Variants in AGBL1 observed in about 807,000 individuals in gnomAD.
AGBL1 encodes the protein cytosolic carboxypeptidase 4.
AGBL1 carries 130 observed loss-of-function variants against 118.9 expected under a neutral mutation model. The observed-to-expected ratio is 1.09, with a 90% CI of 0.95 to 1.26. The LOEUF is 1.26. Ranked by LOEUF, AGBL1 falls within the 50% of genes most tolerant of loss-of-function variation. The pLI, the probability that AGBL1 is intolerant of heterozygous loss-of-function variation, is 0.00. For missense variants in AGBL1, 1,584 were observed against 1,298.1 expected (o/e 1.22, Z -3.38); for synonymous variants, 555 against 478.9 (o/e 1.16, Z -2.08).
At chr15:86,996,080 C>T (rs1193443528) in intron 24 of AGBL1, among the ~76,000 whole-genome samples, 1 of 152,152 alleles carries the variant, frequency 6.6e-6, no homozygotes. Flanking sequence ...ACCCCATAAC[C>T]ATCATGTGGG....
At chr15:86,677,697 C>T (rs2085873989) in intron 22 of AGBL1, among the ~76,000 whole-genome samples, 1 of 152,030 alleles carries the variant, frequency 6.6e-6, no homozygotes, top group African/African-American at 2.4e-5. Flanking sequence ...CCGTGTTCTC[C>T]GAAATTATAG....
chr15:86,614,024 G>A (rs1171883661), intron 21 of AGBL1, among the ~76,000 whole-genome samples: 1 of 152,154 alleles, frequency 6.6e-6, no homozygotes, highest in Non-Finnish European at 1.5e-5. Flanking sequence ...CCGCTGAGTT[G>A]TTGGTTTTAA....
chr15:86,590,080 G>A (rs1197350834), intron 21 of AGBL1, among the ~76,000 whole-genome samples: 1 of 152,180 alleles, frequency 6.6e-6, no homozygotes. Context: ...GAACCACAGA[G>A]TGATTGGCCT....
chr15:86,952,977 T>C (rs2080894930), intron 23 of AGBL1, among the ~76,000 whole-genome samples: 1 of 152,154 alleles, frequency 6.6e-6, no homozygotes, highest in Non-Finnish European at 1.5e-5. Context: ...AAGATCAGAT[T>C]GTTATAGGTG....
intron 21 of AGBL1, among the ~76,000 whole-genome samples, chr15:86,660,104 A>G (rs1404447943): frequency 1.3e-5 from 2 of 151,538 alleles, no homozygotes; most frequent in Admixed American, 1.3e-4. Context: ...GCAGAACCAT[A>G]GATGTTTAGA....
At chr15:86,258,718 T>C (rs1411097151) in intron 9 of AGBL1, among the ~76,000 whole-genome samples, 1 of 152,196 alleles carries the variant, frequency 6.6e-6, no homozygotes, top group African/African-American at 2.4e-5. Context: ...AAGAAATTTT[T>C]TTTTTTGAGA....
intron 18 of AGBL1, among the ~76,000 whole-genome samples, chr15:86,446,328 T>C (rs879415242): frequency 8.5e-5 from 13 of 152,206 alleles, no homozygotes; most frequent in Admixed American, 1.3e-4. Flanking sequence ...CTTTTCCCTC[T>C]CCAGACGCAC....
At chr15:86,648,110 C>T (rs193297878) in intron 21 of AGBL1, among the ~76,000 whole-genome samples, 1 of 152,262 alleles carries the variant, frequency 6.6e-6, no homozygotes, top group East Asian at 1.9e-4. Context: ...GGAATTTTCT[C>T]TGAGAGAAAT....
At chr15:86,423,138 G>T (rs1225438303) in intron 18 of AGBL1, among the ~76,000 whole-genome samples, 1 of 152,154 alleles carries the variant, frequency 6.6e-6, no homozygotes, top group African/African-American at 2.4e-5. Context: ...CAACAGAAAA[G>T]AAAAGTTCAG....
At chr15:86,466,243 A>G (rs763999322) in intron 18 of AGBL1, among the ~76,000 whole-genome samples, 3 of 151,892 alleles carry the variant, frequency 2.0e-5, no homozygotes, top group African/African-American at 7.3e-5. Flanking sequence ...CATTAAGTTG[A>G]TCTTCAGTCT....
chr15:86,300,242 A>G (rs191630922), intron 17 of AGBL1, among the ~76,000 whole-genome samples: 12 of 152,160 alleles, frequency 7.9e-5, no homozygotes, highest in Middle Eastern at 3.4e-3. Flanking sequence ...TTTTCTCCAC[A>G]TTGCTCTCAC....
At chr15:86,881,427 C>A (rs979311316) in intron 22 of AGBL1, among the ~76,000 whole-genome samples, 3 of 152,160 alleles carry the variant, frequency 2.0e-5, no homozygotes, top group African/African-American at 7.2e-5. Context: ...GGAACCTACT[C>A]AATCTCTCTT....
intron 23 of AGBL1, among the ~76,000 whole-genome samples, chr15:86,950,411 A>G (rs2080867728): frequency 6.6e-6 from 1 of 151,312 alleles, no homozygotes; most frequent in Admixed American, 6.6e-5. Flanking sequence ...AAATACTCAT[A>G]TCAGGAGTAG....
intron 18 of AGBL1, among the ~76,000 whole-genome samples, chr15:86,406,835 A>G (rs992695681): frequency 6.6e-6 from 1 of 152,208 alleles, no homozygotes; most frequent in South Asian, 2.1e-4. Flanking sequence ...AAAAATAACC[A>G]TCTTTCAGTA....
chr15:86,145,300 G>T (rs932721665), intron 3 of AGBL1, among the ~76,000 whole-genome samples: 3 of 152,160 alleles, frequency 2.0e-5, no homozygotes, highest in African/African-American at 7.2e-5. Context: ...TGGAAGAAGG[G>T]CCTAGAGTTC....
intron 22 of AGBL1, among the ~76,000 whole-genome samples, chr15:86,694,118 C>G (rs28861987): frequency 0.03 from 4,553 of 152,004 alleles, 239 homozygotes; most frequent in African/African-American, 0.1. Context: ...ATTGTTTTTT[C>G]TAGTTCTGTG....
chr15:86,852,986 T>G (rs1178477408), intron 22 of AGBL1, among the ~76,000 whole-genome samples: 1 of 152,022 alleles, frequency 6.6e-6, no homozygotes. Context: ...TGGTCAGAGT[T>G]GAAAGCCAAT....
At chr15:86,603,677 C>T (rs1039958042) in intron 21 of AGBL1, among the ~76,000 whole-genome samples, 1 of 152,192 alleles carries the variant, frequency 6.6e-6, no homozygotes, top group Non-Finnish European at 1.5e-5. Context: ...TTCCCGCCCC[C>T]TCCATCTGGA....
chr15:86,204,748 C>A (rs1343108969), intron 5 of AGBL1, among the ~76,000 whole-genome samples: 1 of 152,102 alleles, frequency 6.6e-6, no homozygotes, highest in Non-Finnish European at 1.5e-5. Flanking sequence ...CACCACCATG[C>A]CCAGCTAATT....
Sources: allele counts gnomAD v4.1 joint callset (sites outside exome capture counted in the v4.1 genomes callset), GRCh38; gene constraint gnomAD v4.1.1; transcripts MANE v1.5; gene names NCBI Gene and HGNC (gene_info 2026-07-23, HGNC 2026-07-21).